Variants in STIP1 observed in about 807,000 individuals in gnomAD.
STIP1 encodes stress induced phosphoprotein 1.
Under a neutral mutation model 77.4 loss-of-function variants are expected in STIP1, and 16 were observed. The observed-to-expected ratio is 0.21, with a 90% CI of 0.14 to 0.31. The LOEUF is 0.31. Among genes scored for constraint, STIP1 ranks in the 10% least tolerant of loss-of-function variants. STIP1 has a pLI of 1.00. For missense variants in STIP1, 524 were observed against 684.8 expected (o/e 0.77, Z 2.62); for synonymous variants, 258 against 246.6 (o/e 1.05, Z -0.44).
chr11:64,186,575 C>T (rs931503847), intron 1 of STIP1: 11 of 192,360 alleles, frequency 5.7e-5, no homozygotes, highest in Non-Finnish European at 7.2e-5. Flanking sequence ...TGAAGGCGTC[C>T]CGAGGGGGCG....
chr11:64,203,427 C>A, intron 12 of STIP1, 23 bp from the exon 13 acceptor site: 1 of 1,613,754 alleles, frequency 6.2e-7, no homozygotes, highest in Non-Finnish European at 8.5e-7. Flanking sequence ...ACACGCTTCA[C>A]CTTTGTCTCT....
At chr11:64,187,943 C>T (rs1946044325) in intron 1 of STIP1, among the ~76,000 whole-genome samples, 1 of 150,106 alleles carries the variant, frequency 6.7e-6, no homozygotes, top group Non-Finnish European at 1.5e-5. Flanking sequence ...GGGCAGCTTG[C>T]AGTGAGCCGA....
chr11:64,200,223 A>G lies in STIP1; in HGVS notation c.1175A>G (p.Lys392Arg). 1.2e-6 allele frequency: 2 copies of G among 1,614,164 alleles called. No homozygotes were observed. The highest frequency in any genetic ancestry group is 1.7e-6 in the Non-Finnish European group (2 of 1,180,012). ...ACAGAAGCCATCAAAAGGAACCCGA[A>G]AGATGCCAAATTATACAGCAATCGA... is the stretch of plus-strand genomic sequence containing the variant. ...HYTEAIKRNPKDAKLYSNRAA... is the reference protein window; with the variant it reads ...HYTEAIKRNPRDAKLYSNRAA... Residue 392 changes from lysine to arginine, a missense_variant, in exon 10 of 14, where the codon AAA (lysine) becomes AGA (arginine). Physicochemically the swap from Lys to Arg is conservative, Grantham distance 26 (BLOSUM62 2). Transcript: ENST00000305218.
Position 64,197,396 on chromosome 11 carries a change from A to G in STIP1, c.798A>G (p.Ala266=), listed in dbSNP as rs1946162787. The stretch of plus-strand genomic sequence containing the variant: ...ACATGACTTACATTACCAATCAAGC[A>G]GGTGAGGCCCAGAAACAAGGGGCAA... ...PTNMTYITNQ[A]AVYFEKGDYN... is the part of the protein sequence containing the mutation. The change falls in exon 6 of 14, where the codon GCA becomes GCG. Residue 266 remains alanine, a splice_region_variant and synonymous_variant. Transcript: ENST00000305218. 1.9e-6 allele frequency: 3 copies of G among 1,613,996 alleles called. No homozygotes were observed. Among genetic ancestry groups the G allele is most frequent in the East Asian group, 4.5e-5 (2 of 44,886 alleles).
At chr11:64,189,848 T>TAAA (rs1946071766) in intron 1 of STIP1, among the ~76,000 whole-genome samples, 1 of 152,204 alleles carries the variant, frequency 6.6e-6, no homozygotes, top group South Asian at 2.1e-4. Context: ...TGAGTTTTGT[T>TAAA]AACTCTTCGT....
chr11:64,194,175 T>G lies in STIP1; in HGVS notation c.220-14T>G. On this transcript the variant is annotated splice_polypyrimidine_tract_variant and intron_variant, in intron 2 of 13. Transcript: ENST00000305218. ...GGGTGTTCTCTATTTTGTGTCTGTC[T>G]TTGGTGGTTTAAGGGCTATTCACGA... 3 of 1,608,874 alleles carry G rather than the reference T, an allele frequency of 1.9e-6. No individual in the cohort carries two copies. The highest frequency in any genetic ancestry group is 2.5e-6 in the Non-Finnish European group (3 of 1,178,546).
chr11:64,193,035 A>G, intron 1 of STIP1, 43 bp from the exon 2 acceptor site: 1 of 1,589,064 alleles, frequency 6.3e-7, no homozygotes, highest in Non-Finnish European at 8.6e-7. Flanking sequence ...CTTGGGATTA[A>G]ATGGGCACAT....
intron 1 of STIP1, among the ~76,000 whole-genome samples, chr11:64,187,351 G>C (rs1219174287): frequency 2.0e-5 from 3 of 151,306 alleles, no homozygotes. Flanking sequence ...TACTGTCTTC[G>C]CTCCGGGCCC....
intron 1 of STIP1, among the ~76,000 whole-genome samples, chr11:64,189,062 A>G (rs1339770380): frequency 6.6e-6 from 1 of 152,180 alleles, no homozygotes; most frequent in African/African-American, 2.4e-5. Flanking sequence ...TAAAAATACA[A>G]AAGAAAAAAG....
intron 1 of STIP1, among the ~76,000 whole-genome samples, chr11:64,190,166 AATTTATTT>A (rs977297708): frequency 4.0e-5 from 6 of 151,482 alleles, no homozygotes; most frequent in Middle Eastern, 3.2e-3. Context: ...ACATCCGGGC[AATTTATTT>A]ATTTATTTAT....
At chr11:64,186,715 C>T (rs1392287842) in intron 1 of STIP1, among the ~76,000 whole-genome samples, 1 of 152,186 alleles carries the variant, frequency 6.6e-6, no homozygotes, top group Non-Finnish European at 1.5e-5. Flanking sequence ...CCGCTCGGGA[C>T]TTAGCCACGA....
At chr11:64,195,084 G>A (rs1946133833) in intron 4 of STIP1, among the ~76,000 whole-genome samples, 1 of 152,066 alleles carries the variant, frequency 6.6e-6, no homozygotes, top group South Asian at 2.1e-4. Context: ...GAATAAACTT[G>A]ACCTCTGTGA....
chr11:64,197,815 C>G (rs771395413), intron 7 of STIP1, 39 bp from the exon 8 acceptor site: 3 of 1,599,398 alleles, frequency 1.9e-6, no homozygotes, highest in African/African-American at 1.3e-5. Context: ...GACTTTATCT[C>G]TCTGTCCTAA....
intron 8 of STIP1, among the ~76,000 whole-genome samples, chr11:64,199,668 A>G (rs892271173): frequency 6.9e-6 from 1 of 145,962 alleles, no homozygotes. Flanking sequence ...GGTTCACGCC[A>G]TTCTCCTGCC....
intron 1 of STIP1, among the ~76,000 whole-genome samples, 185 bp from the exon 2 acceptor site, chr11:64,192,893 T>C (rs1311278484): frequency 6.6e-6 from 1 of 152,182 alleles, no homozygotes; most frequent in Non-Finnish European, 1.5e-5. Flanking sequence ...CCCCTGCTTA[T>C]TTTTTCTTTG....
At chr11:64,197,092 GTT>G in intron 5 of STIP1, 177 bp from the exon 6 acceptor site, 1 of 773,914 alleles carries the variant, frequency 1.3e-6, no homozygotes, top group South Asian at 2.0e-5. Context: ...GATGAAGTTA[GTT>G]TTCATTCTAA....
chr11:64,187,794 G>C (rs1425609166), intron 1 of STIP1, among the ~76,000 whole-genome samples: 2 of 152,116 alleles, frequency 1.3e-5, no homozygotes, highest in African/African-American at 2.4e-5. Flanking sequence ...GAGGTCAGGA[G>C]ATCGAGACCA....
At chr11:64,201,738 G>A (rs1322522639) in intron 10 of STIP1, among the ~76,000 whole-genome samples, 1 of 152,188 alleles carries the variant, frequency 6.6e-6, no homozygotes. Context: ...TGATTTGTGA[G>A]GCAAAGAATA....
chr11:64,188,806 C>T (rs1489670550), intron 1 of STIP1, among the ~76,000 whole-genome samples: 1 of 152,206 alleles, frequency 6.6e-6, no homozygotes, highest in Admixed American at 6.5e-5. Flanking sequence ...GATGACCTGG[C>T]ATTTAATCCC....
Sources: allele counts gnomAD v4.1 joint callset (sites outside exome capture counted in the v4.1 genomes callset), GRCh38; gene constraint gnomAD v4.1.1; transcripts MANE v1.5; gene names NCBI Gene and HGNC (gene_info 2026-07-23, HGNC 2026-07-21).